The following PRKCB variants were observed in gnomAD, a reference collection of about 807,000 sequenced individuals.
PRKCB encodes the protein protein kinase C beta type.
PRKCB carries 13 observed loss-of-function variants against 81.5 expected under a neutral mutation model. The observed-to-expected ratio is 0.16, with a 90% CI of 0.10 to 0.25. The LOEUF is 0.25. PRKCB is among the 10% of genes least tolerant of loss of function. The pLI, the probability that PRKCB is intolerant of heterozygous loss-of-function variation, is 1.00. For synonymous variants in PRKCB, 335 were observed against 321.4 expected (o/e 1.04, Z -0.45); for missense variants, 509 against 875.7 (o/e 0.58, Z 5.29).
chr16:24,161,703 T>C (rs886651184), intron 10 of PRKCB, among the ~76,000 whole-genome samples: 1 of 152,232 alleles, frequency 6.6e-6, no homozygotes, highest in Admixed American at 6.5e-5. Flanking sequence ...CTAGATGACC[T>C]CTAGGAAGTC....
intron 2 of PRKCB, among the ~76,000 whole-genome samples, chr16:23,841,769 C>T (rs1214412994): frequency 1.3e-5 from 2 of 148,594 alleles, no homozygotes; most frequent in African/African-American, 2.5e-5. Context: ...GATTCTCGTG[C>T]CTCAGCCTCT....
At position 23,906,992 on chromosome 16, in the gene PRKCB, G is replaced by A. The variant is rs79213959; in HGVS notation, c.205+69586G>A. Among the ~76,000 whole-genome samples the A allele has an allele frequency of 3.5e-3, 527 of 152,006 alleles. 2 individuals carry two copies. Among genetic ancestry groups the A allele is most frequent in the Non-Finnish European group, 5.4e-3 (369 of 67,968 alleles). The stretch of plus-strand genomic sequence containing the variant: ...AGTGGGTTTCCTGGGTGGGGACAGG[G>A]TTGGGGTGGGGGAAAGTGAGTGTCC... On this transcript the variant is annotated intron_variant, in intron 2 of 16. Coordinates refer to ENST00000643927, the MANE Select transcript of PRKCB (RefSeq NM_002738.7).
intron 2 of PRKCB, among the ~76,000 whole-genome samples, chr16:23,958,106 C>G (rs1029628827): frequency 6.6e-6 from 1 of 152,184 alleles, no homozygotes; most frequent in African/African-American, 2.4e-5. Flanking sequence ...ATTCTCCTGC[C>G]TCAGCCTCCT....
chr16:23,892,206 TAGAC>T lies in PRKCB; in HGVS notation c.205+54804_205+54807del, dbSNP rs777522584. Among the ~76,000 whole-genome samples, 10 of 144,918 alleles carry T rather than the reference TAGAC, an allele frequency of 6.9e-5. No individual in the cohort carries two copies. The South Asian group carries it at 1.6e-3, about 23-fold the overall frequency. On this transcript the variant is annotated intron_variant, in intron 2 of 16. Transcript: ENST00000643927. Reference sequence around the variant, plus strand: ...CCTTCACACTCATTTTAATTGGTGATAGACAGATGTGTTGAGAAAACTTACATTT... The same window carrying T: ...CCTTCACACTCATTTTAATTGGTGATAGATGTGTTGAGAAAACTTACATTT...
chr16:23,908,674 C>T (rs1259034835), intron 2 of PRKCB, among the ~76,000 whole-genome samples: 1 of 142,326 alleles, frequency 7.0e-6, no homozygotes, highest in African/African-American at 2.6e-5. Context: ...TACAGGTGCC[C>T]ACCACCGTGC....
chr16:24,071,943 G>A (rs1966113259), intron 5 of PRKCB, among the ~76,000 whole-genome samples: 1 of 152,116 alleles, frequency 6.6e-6, no homozygotes, highest in Non-Finnish European at 1.5e-5. Context: ...CAGGATCTCA[G>A]CAAGGATGTT....
intron 2 of PRKCB, among the ~76,000 whole-genome samples, chr16:23,942,821 T>C (rs971837016): frequency 2.0e-5 from 3 of 152,204 alleles, no homozygotes; most frequent in African/African-American, 4.8e-5. Context: ...AAACTAAGCA[T>C]TGGGTCCCAG....
chr16:23,983,371 G>A (rs1964762781), intron 2 of PRKCB, among the ~76,000 whole-genome samples: 1 of 152,150 alleles, frequency 6.6e-6, no homozygotes, highest in African/African-American at 2.4e-5. Flanking sequence ...ACATCATGCT[G>A]GGGTTCACTT....
intron 5 of PRKCB, among the ~76,000 whole-genome samples, chr16:24,061,152 C>T (rs112749287): frequency 1.7e-4 from 26 of 152,214 alleles, no homozygotes; most frequent in African/African-American, 6.3e-4. Flanking sequence ...CCTCCGCCTC[C>T]CGAATTCAAG....
At chr16:24,050,413 C>T (rs1965826165) in intron 5 of PRKCB, among the ~76,000 whole-genome samples, 1 of 152,038 alleles carries the variant, frequency 6.6e-6, no homozygotes, top group Admixed American at 6.6e-5. Context: ...TTTCCTTATT[C>T]TAGATCAGCT....
intron 10 of PRKCB, among the ~76,000 whole-genome samples, chr16:24,162,399 C>T (rs1967271135): frequency 6.6e-6 from 1 of 151,792 alleles, no homozygotes; most frequent in African/African-American, 2.4e-5. Flanking sequence ...TTCCCCTGCC[C>T]CCCACCAAAC....
chr16:24,021,038 T>TTA (rs1567346693), intron 3 of PRKCB, among the ~76,000 whole-genome samples: 2 of 82,174 alleles, frequency 2.4e-5, no homozygotes, highest in African/African-American at 8.1e-5. Context: ...CTTTCTTTCT[T>TTA]TCTCTTTCTT....
At chr16:23,884,948 T>A (rs1963176996) in intron 2 of PRKCB, among the ~76,000 whole-genome samples, 1 of 152,272 alleles carries the variant, frequency 6.6e-6, no homozygotes, top group African/African-American at 2.4e-5. Context: ...TGCAGGGCAC[T>A]CCCAGGTTCT....
At chr16:24,132,451 C>T (rs1236176207) in intron 9 of PRKCB, among the ~76,000 whole-genome samples, 1 of 152,214 alleles carries the variant, frequency 6.6e-6, no homozygotes, top group Non-Finnish European at 1.5e-5. Context: ...CTTGTAGGTA[C>T]AGAGGCAATG....
At chr16:24,200,703 A>G (rs577864701) in intron 16 of PRKCB, among the ~76,000 whole-genome samples, 1 of 152,322 alleles carries the variant, frequency 6.6e-6, no homozygotes, top group African/African-American at 2.4e-5. Context: ...ATATGCATAC[A>G]TGTGTGTGCA....
intron 5 of PRKCB, among the ~76,000 whole-genome samples, chr16:24,081,403 T>G (rs890130830): frequency 1.3e-5 from 2 of 152,038 alleles, no homozygotes; most frequent in Non-Finnish European, 2.9e-5. Flanking sequence ...ACACTAGAAA[T>G]AGAAGGGAAC....
At chr16:24,024,314 C>T (rs1193331163) in intron 3 of PRKCB, among the ~76,000 whole-genome samples, 1 of 152,120 alleles carries the variant, frequency 6.6e-6, no homozygotes, top group Non-Finnish European at 1.5e-5. Context: ...AGCTGGGGGA[C>T]AGCAGGAGGC....
intron 5 of PRKCB, among the ~76,000 whole-genome samples, chr16:24,061,929 A>C (rs1004484006): frequency 6.7e-6 from 1 of 150,372 alleles, no homozygotes; most frequent in African/African-American, 2.5e-5. Context: ...AAAAAAAAAA[A>C]AAAACTTGAG....
chr16:24,037,495 A>G (rs926939568), intron 5 of PRKCB, among the ~76,000 whole-genome samples: 2 of 152,206 alleles, frequency 1.3e-5, no homozygotes, highest in East Asian at 1.9e-4. Flanking sequence ...CATTCTACCC[A>G]TCAGAAAACA....
Sources: gnomAD v4.1 joint callset for allele counts (sites outside exome capture counted in the v4.1 genomes callset) on GRCh38, gnomAD v4.1.1 for gene constraint, MANE v1.5 for transcripts, NCBI Gene and HGNC (gene_info 2026-07-23, HGNC 2026-07-21) for gene names.